The following AKT3 variants were observed in gnomAD, a reference collection of about 807,000 sequenced individuals.
AKT3 encodes the protein AKT serine/threonine kinase 3.
A neutral mutation model predicts 65.3 loss-of-function variants in AKT3; 15 were observed. The observed-to-expected ratio is 0.23, with a 90% CI of 0.15 to 0.35. AKT3 has a LOEUF of 0.35. AKT3 is among the 10% of genes least tolerant of loss of function. AKT3 has a pLI of 1.00. For missense variants in AKT3, 243 were observed against 576.5 expected, an observed-to-expected ratio of 0.42 and a Z score of 5.92; for synonymous variants, 206 against 183.8, an observed-to-expected ratio of 1.12 and a Z score of -0.98.
chr1:243,501,048 T>C lies in AKT3; in HGVS notation c.*4201A>G, dbSNP rs1301898916. On this transcript the variant is annotated 3_prime_UTR_variant, in exon 14 of 14. Coordinates refer to ENST00000673466, the MANE Select transcript of AKT3 (RefSeq NM_005465.7). ...CCTGGATCTGTCAACCCCAGTGGTT[T>C]TGAGAGAAGAGCACATGTGAGAATG... The C allele has an allele frequency of 4.3e-6, 1 of 230,486 alleles. No individual in the cohort carries two copies. The highest frequency in any genetic ancestry group is 6.2e-5 in the East Asian group (1 of 16,162). 14.3% of individuals were successfully genotyped at this position (230,486 alleles called of 1,614,324 possible).
intron 5 of AKT3, among the ~76,000 whole-genome samples, chr1:243,641,184 G>A (rs1340165882): frequency 6.6e-6 from 1 of 150,804 alleles, no homozygotes; most frequent in Non-Finnish European, 1.5e-5. Flanking sequence ...TCCTCAGTTT[G>A]CAGATGGCCT....
At chr1:243,788,483 T>TGAA (rs2148330137) in intron 2 of AKT3, among the ~76,000 whole-genome samples, 1 of 152,332 alleles carries the variant, frequency 6.6e-6, no homozygotes, top group South Asian at 2.1e-4. Context: ...AATCCACAGA[T>TGAA]ATTCAAGTCT....
At chr1:243,564,344 C>T (rs941770830) in intron 9 of AKT3, among the ~76,000 whole-genome samples, 6 of 152,050 alleles carry the variant, frequency 3.9e-5, no homozygotes, top group African/African-American at 9.7e-5. Context: ...TAAGGTAAGG[C>T]GATATCCTCT....
Position 243,501,621 on chromosome 1 carries a change from G to T in AKT3, c.*3628C>A, listed in dbSNP as rs368033370. 4.4e-4 allele frequency: 99 copies of T among 223,362 alleles called. No homozygotes were observed. The highest frequency in any genetic ancestry group is 2.1e-3 in the African/African-American group (89 of 42,970). The allele number at this position is 223,362 out of a possible 1,614,324, so 13.8% of individuals were successfully genotyped here. ...CTATGTGTGTGTGTGTGAGCTACAA[G>T]GAATTATTTCTATATTTTCCTGTCA... On this transcript the variant is annotated 3_prime_UTR_variant, in exon 14 of 14. Transcript: ENST00000673466.
At chr1:243,521,705 C>T (rs951432959) in intron 12 of AKT3, among the ~76,000 whole-genome samples, 11 of 152,034 alleles carry the variant, frequency 7.2e-5, no homozygotes, top group African/African-American at 2.2e-4. Flanking sequence ...ACTATTGTAT[C>T]GTAATATTAG....
intron 12 of AKT3, among the ~76,000 whole-genome samples, chr1:243,523,264 C>A (rs1021901289): frequency 9.8e-6 from 1 of 102,304 alleles, no homozygotes; most frequent in Non-Finnish European, 2.1e-5. Flanking sequence ...AGGACGAACA[C>A]ACACACACAC....
In AKT3 at chr1:243,527,870, A is replaced by AAC. The variant is rs56956606; in HGVS notation, c.1252-15446_1252-15445dup. ...ATTACAGCAAGACTCCATCTCTTAA[A>AAC]ACACACACACACACACACACACACA... is the stretch of plus-strand genomic sequence containing the variant. On this transcript the variant is annotated intron_variant, in intron 12 of 13. Transcript: ENST00000673466. Among the ~76,000 whole-genome samples the AAC allele has an allele frequency of 3.1e-3, 309 of 99,078 alleles. 1 individual carries two copies. The highest frequency in any genetic ancestry group is 5.4e-3 in the Middle Eastern group (1 of 184). 65.0% of individuals were successfully genotyped at this position (99,078 alleles called of 152,430 possible). A position where few individuals can be genotyped will look rare whatever the true frequency, so the allele number is the denominator to read the frequency against.
At chr1:243,832,345 ACTT>A (rs761060677) in intron 2 of AKT3, among the ~76,000 whole-genome samples, 10 of 151,916 alleles carry the variant, frequency 6.6e-5, no homozygotes, top group Admixed American at 1.3e-4. Flanking sequence ...CTTCTCACAA[ACTT>A]CTTCTCCTCA....
chr1:243,768,489 T>C (rs1411515284), intron 2 of AKT3, among the ~76,000 whole-genome samples: 1 of 152,168 alleles, frequency 6.6e-6, no homozygotes, highest in Admixed American at 6.5e-5. Flanking sequence ...TACAGAACCC[T>C]TCTCTATCCC....
chr1:243,686,649 ATATTTTTTTTTTTTTTT>A (rs1280010934), intron 3 of AKT3, among the ~76,000 whole-genome samples: 3 of 22,496 alleles, frequency 1.3e-4, no homozygotes, highest in African/African-American at 4.1e-4. Context: ...ATATATATAT[ATATTTTTTTTTTTTTTT>A]TTTTTTTTTT....
chr1:243,588,760 AC>A (rs1675988235), intron 8 of AKT3, among the ~76,000 whole-genome samples: 1 of 152,132 alleles, frequency 6.6e-6, no homozygotes, highest in Non-Finnish European at 1.5e-5. Context: ...AAAAACTTAA[AC>A]GTAAGACCTG....
chr1:243,669,692 A>G (rs1303978514), intron 3 of AKT3, among the ~76,000 whole-genome samples: 1 of 152,184 alleles, frequency 6.6e-6, no homozygotes, highest in Non-Finnish European at 1.5e-5. Flanking sequence ...TTTAGAAGCT[A>G]CTCGAAGTGC....
chr1:243,593,727 A>G (rs1218542398), intron 8 of AKT3, among the ~76,000 whole-genome samples: 1 of 152,194 alleles, frequency 6.6e-6, no homozygotes, highest in Non-Finnish European at 1.5e-5. Context: ...CAATGGAGGC[A>G]CAAAAACCTT....
intron 2 of AKT3, among the ~76,000 whole-genome samples, chr1:243,813,903 A>C (rs1168143366): frequency 6.6e-6 from 1 of 151,992 alleles, no homozygotes; most frequent in Non-Finnish European, 1.5e-5. Flanking sequence ...CCAGGAGGTC[A>C]AGATTAGCCT....
At chr1:243,513,092 T>C (rs1030301620) in intron 12 of AKT3, among the ~76,000 whole-genome samples, 1 of 152,092 alleles carries the variant, frequency 6.6e-6, no homozygotes, top group Non-Finnish European at 1.5e-5. Flanking sequence ...GCAGGAATCA[T>C]CTCATTCGCA....
intron 4 of AKT3, among the ~76,000 whole-genome samples, chr1:243,652,293 A>G (rs1252397705): frequency 6.6e-6 from 1 of 151,976 alleles, no homozygotes; most frequent in East Asian, 1.9e-4. Flanking sequence ...CAGGTGATCC[A>G]CCCGCCTTGG....
intron 4 of AKT3, among the ~76,000 whole-genome samples, chr1:243,658,142 A>C (rs1382676249): frequency 6.6e-6 from 1 of 152,216 alleles, no homozygotes; most frequent in Non-Finnish European, 1.5e-5. Context: ...TCTGCACAGC[A>C]AACAACAGAA....
rs76839576 is a variant in AKT3 at position 243,725,040 on chromosome 1, CA to C, written c.47-29325del. ...CAACATAGCAAGACCTTGTCTAGACCAAAAAAAAAAAAAAATTAAATTAGCC... is the reference window on the plus strand; with the variant it reads ...CAACATAGCAAGACCTTGTCTAGACCAAAAAAAAAAAAAATTAAATTAGCC... On this transcript the variant is annotated intron_variant, in intron 2 of 13. Coordinates refer to ENST00000673466, the MANE Select transcript of AKT3 (RefSeq NM_005465.7). 5.7e-3 allele frequency among the ~76,000 whole-genome samples: 723 copies of C among 126,636 alleles called. 3 individuals are homozygous for C. Among genetic ancestry groups the C allele is most frequent in the Middle Eastern group, 0.012 (3 of 250 alleles). The allele number at this position is 126,636 out of a possible 152,430, so 83.1% of individuals were successfully genotyped here. A position where few individuals can be genotyped will look rare whatever the true frequency, so the allele number is the denominator to read the frequency against.
At chr1:243,659,470 TA>T (rs35372044) in intron 4 of AKT3, among the ~76,000 whole-genome samples, 3 of 151,852 alleles carry the variant, frequency 2.0e-5, no homozygotes, top group East Asian at 3.9e-4. Context: ...ACATTTTTGT[TA>T]AAAAAAATAA....
Sources: allele counts gnomAD v4.1 joint callset (sites outside exome capture counted in the v4.1 genomes callset), GRCh38; gene constraint gnomAD v4.1.1; transcripts MANE v1.5; gene names NCBI Gene and HGNC (gene_info 2026-07-23, HGNC 2026-07-21).